The following COL13A1 variants were observed in gnomAD, a reference collection of about 807,000 sequenced individuals.
COL13A1 encodes collagen type XIII alpha 1 chain.
Under a neutral mutation model 130.9 loss-of-function variants are expected in COL13A1, and 89 were observed. That is an observed-to-expected ratio of 0.68 (90% CI 0.57 to 0.81). The LOEUF is 0.81. COL13A1 is among the 30% of genes least tolerant of loss of function. The pLI is 0.00. For missense variants in COL13A1, 879 were observed against 934.6 expected (o/e 0.94, Z 0.78); for synonymous variants, 402 against 341.6 (o/e 1.18, Z -1.95).
At chr10:69,945,349 CCTTT>C in intron 36 of COL13A1, among the ~76,000 whole-genome samples, 1 of 152,324 alleles carries the variant, frequency 6.6e-6, no homozygotes, top group South Asian at 2.1e-4. Context: ...CTTTCTCTTC[CCTTT>C]CTCTTTCCCT....
At chr10:69,860,795 C>G in intron 2 of COL13A1, 1 of 213,118 alleles carries the variant, frequency 4.7e-6, no homozygotes. Flanking sequence ...ATCAAGGGAG[C>G]TGCAGGGATG....
chr10:69,875,684 C>T (rs2059505071), intron 5 of COL13A1, among the ~76,000 whole-genome samples: 1 of 152,244 alleles, frequency 6.6e-6, no homozygotes, highest in Non-Finnish European at 1.5e-5. Flanking sequence ...TAAAACATTC[C>T]TGTTTCTTGC....
intron 16 of COL13A1, 60 bp from the exon 17 acceptor site, chr10:69,905,727 C>T: frequency 6.3e-7 from 1 of 1,581,360 alleles, no homozygotes; most frequent in South Asian, 1.1e-5. Context: ...TGGGGAACAG[C>T]ACAAGTCAAA....
At chr10:69,891,880 G>C (rs1441221628) in intron 10 of COL13A1, among the ~76,000 whole-genome samples, 1 of 152,180 alleles carries the variant, frequency 6.6e-6, no homozygotes, top group Non-Finnish European at 1.5e-5. Context: ...AGGCCACAAA[G>C]CTCCTAAATA....
At chr10:69,913,338 G>A (rs1326367808) in intron 17 of COL13A1, among the ~76,000 whole-genome samples, 1 of 152,226 alleles carries the variant, frequency 6.6e-6, no homozygotes, top group African/African-American at 2.4e-5. Context: ...AGACAAGAGG[G>A]GGCAGAGATA....
intron 2 of COL13A1, among the ~76,000 whole-genome samples, chr10:69,825,501 C>T (rs1232247144): frequency 1.3e-5 from 2 of 152,208 alleles, no homozygotes; most frequent in Non-Finnish European, 2.9e-5. Context: ...TGGCTGCTTC[C>T]TCGTGTTCTC....
At chr10:69,868,674 C>G (rs572246006) in intron 3 of COL13A1, among the ~76,000 whole-genome samples, 29 of 152,292 alleles carry the variant, frequency 1.9e-4, no homozygotes, top group Admixed American at 1.4e-3. Context: ...TAGTTGTTTT[C>G]CTCTTGATGT....
At chr10:69,958,406 A>T (rs1340314268) in intron 40 of COL13A1, among the ~76,000 whole-genome samples, 2 of 152,226 alleles carry the variant, frequency 1.3e-5, no homozygotes, top group African/African-American at 4.8e-5. Context: ...CCTTAAGTCC[A>T]ATCTGGGACA....
chr10:69,907,058 C>T (rs1056001579), intron 17 of COL13A1, among the ~76,000 whole-genome samples: 9 of 152,156 alleles, frequency 5.9e-5, no homozygotes, highest in Non-Finnish European at 8.8e-5. Flanking sequence ...CACTGTGGGC[C>T]TTCCACTAGA....
At chr10:69,872,654 C>G (rs4746009) in intron 4 of COL13A1, among the ~76,000 whole-genome samples, 1 of 152,104 alleles carries the variant, frequency 6.6e-6, no homozygotes, top group Admixed American at 6.5e-5. Flanking sequence ...TCAATTACCA[C>G]GTCCCAATTC....
rs1332134440 is a variant in COL13A1 at position 69,925,841 on chromosome 10, A to G, written c.1367A>G (p.Asp456Gly). ...KGEPGKGEMV[D>G]YNGNINEALQ... ...GAACCAGGGAAAGGAGAGATGGTGG[A>G]TTACAATGGAAACATCAATGAGGCT... The change falls in exon 26 of 41, where the codon GAT becomes GGT. Residue 456 changes from aspartate (D) to glycine (G), a missense_variant. Physicochemically the swap from Asp to Gly is moderately conservative, Grantham distance 94. Coordinates refer to ENST00000645393, the MANE Select transcript of COL13A1 (RefSeq NM_001368882.1). 7 of 1,600,644 alleles carry G rather than the reference A, an allele frequency of 4.4e-6. No individual in the cohort carries two copies. Among genetic ancestry groups the G allele is most frequent in the Non-Finnish European group, 6.0e-6 (7 of 1,173,718 alleles).
intron 10 of COL13A1, among the ~76,000 whole-genome samples, chr10:69,889,976 T>C (rs537205197): frequency 4.9e-4 from 74 of 152,198 alleles, no homozygotes; most frequent in African/African-American, 1.7e-3. Flanking sequence ...CCCCTCTCCC[T>C]TCCTGGGAGT....
At chr10:69,889,017 C>T (rs2060886964) in intron 9 of COL13A1, among the ~76,000 whole-genome samples, 1 of 152,220 alleles carries the variant, frequency 6.6e-6, no homozygotes, top group Non-Finnish European at 1.5e-5. Context: ...CCTAGCACCA[C>T]CCAGTTACTC....
At chr10:69,888,658 G>C (rs2060846609) in intron 9 of COL13A1, among the ~76,000 whole-genome samples, 2 of 152,084 alleles carry the variant, frequency 1.3e-5, no homozygotes, top group African/African-American at 4.8e-5. Flanking sequence ...TAGCTGGTCT[G>C]AAGAGCCTGG....
rs1220283678 is a variant in COL13A1 at position 69,944,043 on chromosome 10, C to T, written c.1915-82C>T. 63 of 1,188,288 alleles carry T rather than the reference C, an allele frequency of 5.3e-5. 2 individuals carry two copies. In the Admixed American group the frequency reaches 1.1e-3, roughly 21 times the overall value. 73.6% of individuals were successfully genotyped at this position (1,188,288 alleles called of 1,614,324 possible). On this transcript the variant is annotated intron_variant, in intron 35 of 40. Coordinates refer to ENST00000645393, the MANE Select transcript of COL13A1 (RefSeq NM_001368882.1). The stretch of plus-strand genomic sequence containing the variant: ...TCTGAAAACTGGGCCTTGGACCTTG[C>T]TCATCTCTAGGCATCAGGTGGGGCA...
At chr10:69,920,417 G>A (rs1490668048) in intron 21 of COL13A1, among the ~76,000 whole-genome samples, 1 of 152,196 alleles carries the variant, frequency 6.6e-6, no homozygotes, top group Non-Finnish European at 1.5e-5. Context: ...ATTGGACACT[G>A]CTGTGCACTG....
intron 10 of COL13A1, among the ~76,000 whole-genome samples, chr10:69,894,061 A>C (rs1406850093): frequency 6.6e-6 from 1 of 152,180 alleles, no homozygotes; most frequent in Non-Finnish European, 1.5e-5. Context: ...TTCAGTTGCC[A>C]ACTTCCTGCT....
chr10:69,895,432 C>A (rs1310485394), intron 12 of COL13A1, 118 bp from the exon 13 acceptor site: 5 of 1,105,382 alleles, frequency 4.5e-6, no homozygotes, highest in South Asian at 1.3e-5. Context: ...AAAACTAGAG[C>A]AGGAGGGCTG....
At chr10:69,930,285 G>A in intron 29 of COL13A1, 115 bp from the exon 30 acceptor site, 1 of 1,156,860 alleles carries the variant, frequency 8.6e-7, no homozygotes, top group East Asian at 2.5e-5. Flanking sequence ...GGCTGTCTCT[G>A]CCTGCCCCAG....
Sources: allele counts gnomAD v4.1 joint callset (sites outside exome capture counted in the v4.1 genomes callset), GRCh38; gene constraint gnomAD v4.1.1; transcripts MANE v1.5; gene names NCBI Gene and HGNC (gene_info 2026-07-23, HGNC 2026-07-21).